The following BCAS3 variants were observed in gnomAD, a reference collection of about 807,000 sequenced individuals.
BCAS3 encodes BCAS3 microtubule associated cell migration factor.
BCAS3 carries 53 observed loss-of-function variants against 116.1 expected under a neutral mutation model. The observed-to-expected ratio is 0.46, with a 90% CI of 0.37 to 0.57. The LOEUF is 0.57. Ranked by LOEUF, BCAS3 falls within the 20% of genes least tolerant of loss-of-function variation. The probability of loss-of-function intolerance (pLI) is 0.00; values close to 1 mark genes in which losing one functional copy is unlikely to be tolerated. For missense variants in BCAS3, 917 were observed against 1,165.4 expected (o/e 0.79, Z 3.10); for synonymous variants, 391 against 408.2 (o/e 0.96, Z 0.51).
At chr17:61,169,157 A>C (rs978914443) in intron 22 of BCAS3, among the ~76,000 whole-genome samples, 4 of 152,218 alleles carry the variant, frequency 2.6e-5, no homozygotes, top group Admixed American at 2.0e-4. Flanking sequence ...TTTTCTCAAC[A>C]GTTCTAATAC....
intron 22 of BCAS3, among the ~76,000 whole-genome samples, chr17:61,152,994 C>T (rs765702739): frequency 6.6e-6 from 1 of 152,180 alleles, no homozygotes; most frequent in African/African-American, 2.4e-5. Context: ...TACTAACTTA[C>T]AGTTTTTCTT....
chr17:60,816,085 C>T (rs2049361009), intron 7 of BCAS3, among the ~76,000 whole-genome samples: 1 of 152,082 alleles, frequency 6.6e-6, no homozygotes, highest in South Asian at 2.1e-4. Flanking sequence ...AACCTTAGGA[C>T]ATCCCTCCAT....
intron 22 of BCAS3, among the ~76,000 whole-genome samples, chr17:61,123,700 G>A (rs1249809366): frequency 1.3e-5 from 2 of 151,954 alleles, no homozygotes; most frequent in Non-Finnish European, 2.9e-5. Flanking sequence ...CCTCTGTAAA[G>A]TGATCCGTAA....
chr17:61,166,690 A>G (rs4968533), intron 22 of BCAS3, among the ~76,000 whole-genome samples: 112,033 of 151,912 alleles, frequency 0.74, 42,200 homozygotes, highest in South Asian at 0.9. Flanking sequence ...GAGCCACTGC[A>G]CCCATCCTGA....
At chr17:60,878,479 C>T (rs1317049554) in intron 9 of BCAS3, among the ~76,000 whole-genome samples, 1 of 152,096 alleles carries the variant, frequency 6.6e-6, no homozygotes, top group Admixed American at 6.6e-5. Context: ...AATATGTGTA[C>T]ACTTTGTTGA....
At chr17:60,685,526 A>G (rs1171236871) in intron 3 of BCAS3, among the ~76,000 whole-genome samples, 1 of 151,800 alleles carries the variant, frequency 6.6e-6, no homozygotes, top group African/African-American at 2.4e-5. Flanking sequence ...GCATCTTACT[A>G]GTTTCAGACA....
chr17:61,111,245 T>C (rs894091770), intron 22 of BCAS3, among the ~76,000 whole-genome samples: 1 of 152,014 alleles, frequency 6.6e-6, no homozygotes, highest in Non-Finnish European at 1.5e-5. Flanking sequence ...AGAATGACTT[T>C]GACAAGCTGA....
chr17:60,894,045 C>T (rs1355783178), intron 10 of BCAS3, among the ~76,000 whole-genome samples: 1 of 151,890 alleles, frequency 6.6e-6, no homozygotes, highest in Non-Finnish European at 1.5e-5. Flanking sequence ...CTGCCCCACC[C>T]CATTTTATTT....
At position 61,135,495 on chromosome 17, in the gene BCAS3, A is replaced by C. The variant is rs2076574670; in HGVS notation, c.2425+50931A>C. 2.6e-5 allele frequency among the ~76,000 whole-genome samples: 4 copies of C among 152,244 alleles called. 1 individual carries two copies. In the South Asian group the frequency reaches 8.3e-4, roughly 32 times the overall value. On this transcript the variant is annotated intron_variant, in intron 22 of 23. Coordinates refer to ENST00000407086, the MANE Select transcript of BCAS3 (RefSeq NM_017679.5). ...ATTTGTTATTTAGCTGGAAATAGCC[A>C]GAAGACAGTCAGTACTTCCAAAGAT...
chr17:60,860,720 G>A (rs7224250), intron 7 of BCAS3, among the ~76,000 whole-genome samples: 43,439 of 152,018 alleles, frequency 0.29, 9,929 homozygotes, highest in African/African-American at 0.64. Flanking sequence ...TTTGCCAGTA[G>A]TCCCACCACC....
chr17:61,234,783 G>A (rs367795958), intron 22 of BCAS3, among the ~76,000 whole-genome samples: 31 of 143,150 alleles, frequency 2.2e-4, no homozygotes, highest in African/African-American at 7.9e-4. Flanking sequence ...GCTTTTTCCA[G>A]AAAAAAAAAA....
intron 22 of BCAS3, among the ~76,000 whole-genome samples, chr17:61,113,142 T>TG (rs2075208629): frequency 1.6e-5 from 1 of 63,152 alleles, no homozygotes; most frequent in Admixed American, 2.2e-4. Context: ...GCAGGAAAGA[T>TG]CCAAAATTGA....
chr17:61,131,991 A>T lies in BCAS3; in HGVS notation c.2425+47427A>T, dbSNP rs1219795697. ...AATTCTCACTTGTTAACTGCTTTTC[A>T]TGCAGGGTTGCAATTAACCCCTGGC... On this transcript the variant is annotated intron_variant, in intron 22 of 23. Coordinates refer to ENST00000407086, the MANE Select transcript of BCAS3 (RefSeq NM_017679.5). The surrounding 1 kb of genome is among the most constrained non-coding windows in gnomAD (Gnocchi z 4.4). Among the ~76,000 whole-genome samples, 1 of 152,154 alleles carries T rather than the reference A, an allele frequency of 6.6e-6. No homozygotes were observed. The highest frequency in any genetic ancestry group is 1.5e-5 in the Non-Finnish European group (1 of 68,032).
chr17:61,014,177 A>G (rs966686223), intron 15 of BCAS3, among the ~76,000 whole-genome samples: 1 of 152,140 alleles, frequency 6.6e-6, no homozygotes, highest in African/African-American at 2.4e-5. Context: ...TCGACAGTCA[A>G]GAACAGTGAT....
intron 5 of BCAS3, among the ~76,000 whole-genome samples, chr17:60,734,755 A>G (rs2040802130): frequency 6.6e-6 from 1 of 152,210 alleles, no homozygotes; most frequent in African/African-American, 2.4e-5. Context: ...GAAATCAGAT[A>G]GCATCAGTGT....
intron 5 of BCAS3, among the ~76,000 whole-genome samples, chr17:60,733,793 G>A (rs1234394000): frequency 6.6e-6 from 1 of 152,134 alleles, no homozygotes; most frequent in Non-Finnish European, 1.5e-5. Flanking sequence ...GCTGTAGTGA[G>A]CATTGATCAC....
At chr17:61,334,765 C>T (rs940414909) in intron 22 of BCAS3, among the ~76,000 whole-genome samples, 4 of 151,462 alleles carry the variant, frequency 2.6e-5, no homozygotes, top group Admixed American at 6.6e-5. Flanking sequence ...AAAGGAGCCA[C>T]GACAAATGTT....
rs200314899 is a variant in BCAS3, at chr17:61,392,121, C to T, written c.2738C>T (p.Pro913Leu). The stretch of plus-strand genomic sequence containing the variant: ...CTCAGCCTCTTCCCGACTGGCTTCC[C>T]GTAGGTACCAGCAACCTGCTTCTGA... ...QPLSLFPTGF[P>L] The change falls in exon 24 of 24, where the codon CCG becomes CTG. Residue 913 changes from proline (P) to leucine (L), a missense_variant. Physicochemically the swap from Pro to Leu is moderately conservative, Grantham distance 98 (BLOSUM62 -3). Around this residue, in one of 3 missense-constraint regions of BCAS3, gnomAD observed 109 missense variants for 122.8 expected, o/e 0.89. Coordinates refer to ENST00000407086, the MANE Select transcript of BCAS3 (RefSeq NM_017679.5). This position sits in a 1 kb window ranked among gnomAD's most constrained non-coding sequence, Gnocchi z 6.4. 568 of 1,613,092 alleles carry T rather than the reference C, an allele frequency of 3.5e-4. 1 individual carries two copies. Among genetic ancestry groups the T allele is most frequent in the Non-Finnish European group, 9.0e-5 (106 of 1,179,724 alleles).
At chr17:61,305,956 T>A (rs2053822990) in intron 22 of BCAS3, among the ~76,000 whole-genome samples, 2 of 152,200 alleles carry the variant, frequency 1.3e-5, no homozygotes, top group Admixed American at 6.5e-5. Context: ...CCCTGGTGGA[T>A]GGTCATTGTG....
Sources: gnomAD v4.1 joint callset for allele counts (sites outside exome capture counted in the v4.1 genomes callset) on GRCh38, gnomAD v4.1.1 for gene constraint, gnomAD v4.1.1 regional missense constraint, Gnocchi (gnomAD v3.1) non-coding constraint, MANE v1.5 for transcripts, NCBI Gene and HGNC (gene_info 2026-07-23, HGNC 2026-07-21) for gene names.